Variants in RPRD2 observed in about 807,000 individuals in gnomAD.
RPRD2 encodes the protein regulation of nuclear pre-mRNA domain containing 2.
Under a neutral mutation model 104.4 loss-of-function variants are expected in RPRD2, and 12 were observed. The ratio of observed to expected loss-of-function variants is 0.11; its 90% CI spans 0.07 to 0.19. The LOEUF is 0.19. Ranked by LOEUF, RPRD2 falls within the 10% of genes least tolerant of loss-of-function variation. The pLI is 1.00. For synonymous variants in RPRD2, 714 were observed against 684.9 expected (o/e 1.04, Z -0.66); for missense variants, 1,543 against 1,790.1 (o/e 0.86, Z 2.49).
intron 1 of RPRD2, among the ~76,000 whole-genome samples, chr1:150,396,152 C>T (rs1662502834): frequency 6.8e-6 from 1 of 147,512 alleles, no homozygotes; most frequent in Non-Finnish European, 1.5e-5. Flanking sequence ...TTTTGAAAAT[C>T]GTGTATTCAT....
At chr1:150,388,445 C>T (rs974388785) in intron 1 of RPRD2, among the ~76,000 whole-genome samples, 10 of 146,686 alleles carry the variant, frequency 6.8e-5, no homozygotes, top group African/African-American at 2.2e-4. Flanking sequence ...CATGTATACA[C>T]ACATATATAT....
At chr1:150,433,759 C>G (rs987892078) in intron 2 of RPRD2, among the ~76,000 whole-genome samples, 1 of 92,622 alleles carries the variant, frequency 1.1e-5, no homozygotes, top group Non-Finnish European at 2.4e-5. Flanking sequence ...GAACCATCAC[C>G]AAACTTCTAA....
intron 7 of RPRD2, among the ~76,000 whole-genome samples, chr1:150,450,091 A>G (rs1667051489): frequency 6.6e-6 from 1 of 152,164 alleles, no homozygotes; most frequent in South Asian, 2.1e-4. Context: ...TTTCAGTTCT[A>G]GAATTGCCAC....
intron 10 of RPRD2, among the ~76,000 whole-genome samples, chr1:150,466,203 C>A (rs1668261055): frequency 6.6e-6 from 1 of 151,400 alleles, no homozygotes; most frequent in South Asian, 2.1e-4. Context: ...ACAGTGAAAC[C>A]CCGACTCTAC....
chr1:150,439,415 G>A (rs1416162714), intron 2 of RPRD2, among the ~76,000 whole-genome samples: 5 of 32,148 alleles, frequency 1.6e-4, no homozygotes, highest in Admixed American at 9.7e-4. Flanking sequence ...CTGAGGCTGC[G>A]GCTGCAGTGA....
At chr1:150,398,292 G>T (rs1662696156) in intron 1 of RPRD2, among the ~76,000 whole-genome samples, 1 of 151,868 alleles carries the variant, frequency 6.6e-6, no homozygotes, top group Non-Finnish European at 1.5e-5. Flanking sequence ...TGCCTCCCAG[G>T]TTCACGCCAT....
chr1:150,409,041 T>C (rs781986771), intron 1 of RPRD2: 1 of 152,176 alleles, frequency 6.6e-6, no homozygotes, highest in Non-Finnish European at 1.5e-5. Context: ...CAAGGCAAGG[T>C]AGACATAAAA....
At chr1:150,401,368 G>A (rs1662987439) in intron 1 of RPRD2, among the ~76,000 whole-genome samples, 1 of 151,836 alleles carries the variant, frequency 6.6e-6, no homozygotes, top group African/African-American at 2.4e-5. Flanking sequence ...CAAGCCTGTA[G>A]TTACAGCTAC....
Position 150,364,882 on chromosome 1 carries a change from T to C in RPRD2, c.168T>C (p.Ser56=). 6.2e-7 allele frequency: 1 copy of C among 1,613,976 alleles called. No individual in the cohort carries two copies. The change falls in exon 1 of 11, where the codon AGT becomes AGC. Residue 56 remains serine, a synonymous_variant. Transcript: ENST00000369068. ...SWCIENKKHH[S]TIVYHWMKWL... The stretch of plus-strand genomic sequence containing the variant: ...GTATAGAGAACAAAAAACACCACAG[T>C]ACTATCGTCTATCATTGGATGAAGT...
chr1:150,398,829 C>T (rs1174031828), intron 1 of RPRD2, among the ~76,000 whole-genome samples: 2 of 151,994 alleles, frequency 1.3e-5, no homozygotes, highest in African/African-American at 4.8e-5. Context: ...AGGCATGAGA[C>T]ACCACACCCG....
At chr1:150,421,827 A>G (rs1324812030) in intron 2 of RPRD2, among the ~76,000 whole-genome samples, 1 of 152,004 alleles carries the variant, frequency 6.6e-6, no homozygotes, top group Non-Finnish European at 1.5e-5. Flanking sequence ...AAAAATTAAA[A>G]ATTAGCCAGG....
chr1:150,465,350 TCAGG>T (rs781965766), intron 10 of RPRD2, among the ~76,000 whole-genome samples: 9 of 152,014 alleles, frequency 5.9e-5, no homozygotes, highest in Non-Finnish European at 1.0e-4. Context: ...ACTCCTGACC[TCAGG>T]CAGTCCACCC....
chr1:150,365,303 A>C (rs1207198927), intron 1 of RPRD2, among the ~76,000 whole-genome samples: 4 of 152,128 alleles, frequency 2.6e-5, no homozygotes, highest in Admixed American at 2.0e-4. Context: ...GGCTTTCCTG[A>C]TGGTAGGCGA....
chr1:150,417,937 C>CTTT (rs1553888921), intron 2 of RPRD2, among the ~76,000 whole-genome samples: 5,558 of 150,564 alleles, frequency 0.037, 141 homozygotes, highest in Non-Finnish European at 0.051. Flanking sequence ...TTTCTTTCTT[C>CTTT]CTTTCCTTTC....
At chr1:150,466,906 C>T (rs1668316146) in intron 10 of RPRD2, among the ~76,000 whole-genome samples, 1 of 152,176 alleles carries the variant, frequency 6.6e-6, no homozygotes, top group African/African-American at 2.4e-5. Context: ...TCAGTAGTCT[C>T]AACCAAAGGC....
Position 150,472,327 on chromosome 1 carries a change from G to A in RPRD2, c.3379G>A (p.Gly1127Ser), listed in dbSNP as rs1376586174. The A allele has an allele frequency of 6.2e-7, 1 of 1,613,842 alleles. No individual in the cohort carries two copies. Among genetic ancestry groups the A allele is most frequent in the Non-Finnish European group, 8.5e-7 (1 of 1,179,896 alleles). Residue 1127 changes from glycine (G) to serine (S), a missense_variant, in exon 11 of 11, where the codon GGT (glycine) becomes AGT (serine). Transcript: ENST00000369068. ...ACATGGGCGTGAGGCTTCAAGGGTG[G>A]GTTGGTTTGATCTGAGCACATCAGG... ...RGHGREASRV[G>S]WFDLSTSGSS...
At chr1:150,421,534 T>C (rs1664755199) in intron 2 of RPRD2, among the ~76,000 whole-genome samples, 1 of 152,040 alleles carries the variant, frequency 6.6e-6, no homozygotes, top group Admixed American at 6.6e-5. Context: ...TTAAGAAAAG[T>C]AAGGTTAAAA....
intron 1 of RPRD2, among the ~76,000 whole-genome samples, chr1:150,394,270 G>A (rs2102190403): frequency 6.6e-6 from 1 of 152,128 alleles, no homozygotes. Flanking sequence ...GGCTGTTCTT[G>A]AACTCCCTAC....
intron 2 of RPRD2, among the ~76,000 whole-genome samples, chr1:150,426,244 A>ATT: frequency 6.6e-6 from 1 of 152,344 alleles, no homozygotes; most frequent in East Asian, 1.9e-4. Context: ...GTATCTTAAT[A>ATT]TAAGTGCTTA....
Sources: allele counts gnomAD v4.1 joint callset (sites outside exome capture counted in the v4.1 genomes callset), GRCh38; gene constraint gnomAD v4.1.1; transcripts MANE v1.5; gene names NCBI Gene and HGNC (gene_info 2026-07-23, HGNC 2026-07-21).